The following MAPK8 variants were observed in gnomAD, a reference collection of about 807,000 sequenced individuals.
MAPK8 encodes the protein mitogen-activated protein kinase 8.
A neutral mutation model predicts 52.9 loss-of-function variants in MAPK8; 13 were observed. That is an observed-to-expected ratio of 0.25 (90% CI 0.16 to 0.39). The LOEUF is 0.39. MAPK8 is among the 10% of genes least tolerant of loss of function. MAPK8 has a pLI of 1.00. For synonymous variants in MAPK8, 191 were observed against 169.8 expected (o/e 1.12, Z -0.97); for missense variants, 300 against 519.2 (o/e 0.58, Z 4.10).
At chr10:48,335,282 T>A (rs1486762775) in intron 1 of MAPK8, among the ~76,000 whole-genome samples, 1 of 152,156 alleles carries the variant, frequency 6.6e-6, no homozygotes, top group Non-Finnish European at 1.5e-5. Flanking sequence ...TTAAATAAAT[T>A]TTAAAAAGTT....
intron 1 of MAPK8, among the ~76,000 whole-genome samples, chr10:48,387,209 T>G (rs1265466100): frequency 1.3e-5 from 2 of 152,178 alleles, no homozygotes; most frequent in Non-Finnish European, 2.9e-5. Flanking sequence ...CTAGGTATGA[T>G]TAGTATACCT....
At chr10:48,343,991 T>G (rs1454153129) in intron 1 of MAPK8, among the ~76,000 whole-genome samples, 1 of 152,232 alleles carries the variant, frequency 6.6e-6, no homozygotes, top group Non-Finnish European at 1.5e-5. Context: ...GAGTTTGATA[T>G]GTTGGTTTGC....
At chr10:48,395,536 C>T (rs770927585) in intron 1 of MAPK8, among the ~76,000 whole-genome samples, 4 of 151,948 alleles carry the variant, frequency 2.6e-5, no homozygotes, top group East Asian at 3.8e-4. Context: ...AAAAATAAAC[C>T]AGCTGTACAT....
chr10:48,359,246 AG>A (rs2132513227), intron 1 of MAPK8, among the ~76,000 whole-genome samples: 1 of 152,284 alleles, frequency 6.6e-6, no homozygotes, highest in East Asian at 1.9e-4. Flanking sequence ...ACGCATTTTA[AG>A]TGTGTACATT....
intron 1 of MAPK8, among the ~76,000 whole-genome samples, chr10:48,356,089 C>T (rs1846903411): frequency 6.6e-6 from 1 of 152,142 alleles, no homozygotes; most frequent in Admixed American, 6.5e-5. Context: ...GACTCTCAGA[C>T]AGGAGGCCAG....
chr10:48,395,489 A>G (rs1433780153), intron 1 of MAPK8, among the ~76,000 whole-genome samples: 1 of 152,078 alleles, frequency 6.6e-6, no homozygotes, highest in African/African-American at 2.4e-5. Flanking sequence ...TAAGTGGGCA[A>G]TGATTTCTTA....
chr10:48,423,237 C>T (rs1729106224), intron 6 of MAPK8, among the ~76,000 whole-genome samples: 1 of 152,154 alleles, frequency 6.6e-6, no homozygotes, highest in African/African-American at 2.4e-5. Flanking sequence ...TTGGGATTCC[C>T]ATTTACAGTT....
chr10:48,367,396 A>C (rs1285623994), intron 1 of MAPK8, among the ~76,000 whole-genome samples: 3 of 148,046 alleles, frequency 2.0e-5, no homozygotes, highest in South Asian at 2.1e-4. Context: ...TAAATAAATA[A>C]ATAAATACAT....
intron 1 of MAPK8, among the ~76,000 whole-genome samples, chr10:48,360,476 A>G (rs1281306467): frequency 1.3e-5 from 2 of 152,196 alleles, no homozygotes; most frequent in Non-Finnish European, 2.9e-5. Context: ...CTAGAAAAGC[A>G]TAAGCAAATG....
chr10:48,337,921 A>AC (rs1174050273), intron 1 of MAPK8, among the ~76,000 whole-genome samples: 2 of 152,170 alleles, frequency 1.3e-5, no homozygotes, highest in Non-Finnish European at 2.9e-5. Flanking sequence ...TCCTGAACAG[A>AC]CCAATAACGA....
At chr10:48,353,744 C>T (rs1401641964) in intron 1 of MAPK8, among the ~76,000 whole-genome samples, 4 of 152,160 alleles carry the variant, frequency 2.6e-5, no homozygotes, top group Admixed American at 1.3e-4. Context: ...AGACATTATG[C>T]TGAGTGAAGA....
chr10:48,427,619 G>A (rs535332641), intron 10 of MAPK8, among the ~76,000 whole-genome samples: 11 of 152,234 alleles, frequency 7.2e-5, no homozygotes, highest in Admixed American at 5.2e-4. Context: ...AGCCTCCTGA[G>A]TAGCTGGGAC....
At chr10:48,415,230 A>T (rs144306907) in intron 5 of MAPK8, among the ~76,000 whole-genome samples, 1 of 152,214 alleles carries the variant, frequency 6.6e-6, no homozygotes, top group Non-Finnish European at 1.5e-5. Context: ...CAGACGAGTG[A>T]AACTTCTAGG....
chr10:48,403,903 C>T (rs895316069), intron 2 of MAPK8, among the ~76,000 whole-genome samples: 4 of 143,790 alleles, frequency 2.8e-5, no homozygotes, highest in African/African-American at 1.1e-4. Context: ...TGCCTGCCAC[C>T]ACGCCCGGCT....
intron 1 of MAPK8, among the ~76,000 whole-genome samples, chr10:48,345,910 G>C (rs1447972865): frequency 6.6e-6 from 1 of 152,198 alleles, no homozygotes; most frequent in Non-Finnish European, 1.5e-5. Flanking sequence ...TTCAGCCAAA[G>C]AACATAGAAG....
intron 5 of MAPK8, among the ~76,000 whole-genome samples, chr10:48,413,413 G>C: frequency 6.6e-6 from 1 of 152,148 alleles, no homozygotes; most frequent in East Asian, 1.9e-4. Context: ...CAGTAGTGCA[G>C]AAGGGTTTCA....
chr10:48,434,767 A>T, intron 11 of MAPK8, 117 bp from the exon 12 acceptor site: 1 of 761,522 alleles, frequency 1.3e-6, no homozygotes, highest in Non-Finnish European at 2.0e-6. Context: ...GATTATTTTT[A>T]GTGAGCCTTC....
chr10:48,337,068 C>T (rs1304937314), intron 1 of MAPK8, among the ~76,000 whole-genome samples: 36 of 152,116 alleles, frequency 2.4e-4, no homozygotes, highest in Admixed American at 2.3e-3. Context: ...GGACAGATCA[C>T]CGCAGAAAAC....
In MAPK8 at chr10:48,404,211, C is replaced by T. The variant is rs113570065; in HGVS notation, c.123-641C>T. On this transcript the variant is annotated intron_variant, in intron 2 of 11. Coordinates refer to ENST00000374189, the MANE Select transcript of MAPK8 (RefSeq NM_001323329.2). The stretch of plus-strand genomic sequence containing the variant: ...TGAGGGAGTCTACCAGGCTGGAGTG[C>T]GGTGGTGCGATCTTGGCTCACTGCA... 3.0e-3 allele frequency among the ~76,000 whole-genome samples: 445 copies of T among 149,906 alleles called. 4 individuals are homozygous for T. Among genetic ancestry groups the T allele is most frequent in the African/African-American group, 0.011 (430 of 40,626 alleles).
Sources: gnomAD v4.1 joint callset for allele counts (sites outside exome capture counted in the v4.1 genomes callset) on GRCh38, gnomAD v4.1.1 for gene constraint, MANE v1.5 for transcripts, NCBI Gene and HGNC (gene_info 2026-07-23, HGNC 2026-07-21) for gene names.